ARL15: variants seen among roughly 807,000 people sequenced by gnomAD.
ARL15 encodes ARF like GTPase 15.
Under a neutral mutation model 25.2 loss-of-function variants are expected in ARL15, and 19 were observed. The ratio of observed to expected loss-of-function variants is 0.75; its 90% CI spans 0.53 to 1.10. ARL15 has a LOEUF of 1.10. Ranked by LOEUF, ARL15 falls within the 50% of genes least tolerant of loss-of-function variation. The probability of loss-of-function intolerance (pLI) is 0.00; values close to 1 mark genes in which losing one functional copy is unlikely to be tolerated. For missense variants in ARL15, 220 were observed against 246.0 expected, an observed-to-expected ratio of 0.89 and a Z score of 0.71; for synonymous variants, 94 against 86.8, an observed-to-expected ratio of 1.08 and a Z score of -0.46.
At chr5:54,033,221 G>A (rs1253283338) in intron 4 of ARL15, among the ~76,000 whole-genome samples, 2 of 152,062 alleles carry the variant, frequency 1.3e-5, no homozygotes, top group Admixed American at 6.6e-5. Flanking sequence ...GCTGAGGCAG[G>A]AGAATGGCTT....
chr5:54,279,255 A>T (rs1412449477), intron 1 of ARL15, among the ~76,000 whole-genome samples: 1 of 150,292 alleles, frequency 6.7e-6, no homozygotes, highest in African/African-American at 2.5e-5. Context: ...ATTTACAAGA[A>T]TTTTTTTTTT....
intron 3 of ARL15, among the ~76,000 whole-genome samples, chr5:54,125,941 C>A (rs1326807864): frequency 1.3e-5 from 2 of 152,060 alleles, no homozygotes; most frequent in African/African-American, 2.4e-5. Context: ...TTACTGCATT[C>A]TCAAAATACT....
At chr5:54,080,008 C>CACACACACAT (rs1554038840) in intron 4 of ARL15, among the ~76,000 whole-genome samples, 2 of 90,642 alleles carry the variant, frequency 2.2e-5, no homozygotes, top group African/African-American at 8.8e-5. Flanking sequence ...CACACACACA[C>CACACACACAT]ACACACACAG....
intron 4 of ARL15, among the ~76,000 whole-genome samples, chr5:53,910,633 TTATATATATATATATATATATATA>T (rs70986649): frequency 1.6e-4 from 9 of 55,018 alleles, no homozygotes; most frequent in East Asian, 6.0e-4. Flanking sequence ...TAAAAAAAAA[TTATATATATATATATATATATATA>T]TATATATATA....
intron 1 of ARL15, among the ~76,000 whole-genome samples, chr5:54,270,391 G>T (rs1757754202): frequency 6.6e-6 from 1 of 152,176 alleles, no homozygotes; most frequent in Non-Finnish European, 1.5e-5. Flanking sequence ...CGTGAAAGGG[G>T]AAGCGATAAA....
chr5:53,934,489 C>T, intron 4 of ARL15, among the ~76,000 whole-genome samples: 1 of 152,076 alleles, frequency 6.6e-6, no homozygotes, highest in Non-Finnish European at 1.5e-5. Flanking sequence ...TTGACAGCTG[C>T]CCAAAGACAG....
chr5:54,050,657 C>A (rs1579739920), intron 4 of ARL15, among the ~76,000 whole-genome samples: 1 of 152,154 alleles, frequency 6.6e-6, no homozygotes, highest in East Asian at 1.9e-4. Flanking sequence ...GAATATGAGG[C>A]TTTATAAACC....
chr5:54,265,779 A>G (rs894190709), intron 1 of ARL15, among the ~76,000 whole-genome samples: 4 of 152,234 alleles, frequency 2.6e-5, no homozygotes, highest in Admixed American at 1.3e-4. Context: ...GACATACTTA[A>G]AGAAAGCCCC....
intron 4 of ARL15, among the ~76,000 whole-genome samples, chr5:53,888,369 G>A (rs1003809682): frequency 2.6e-5 from 4 of 151,854 alleles, no homozygotes; most frequent in African/African-American, 7.3e-5. Flanking sequence ...CAGCCTTGAC[G>A]TCCCAGGCTT....
chr5:54,170,282 T>A (rs1473463329), intron 2 of ARL15, among the ~76,000 whole-genome samples: 1 of 152,152 alleles, frequency 6.6e-6, no homozygotes, highest in East Asian at 1.9e-4. Flanking sequence ...GCCTTCATCA[T>A]CTCAGTTGCA....
chr5:53,887,808 A>T (rs951104468), intron 4 of ARL15, among the ~76,000 whole-genome samples: 1 of 152,228 alleles, frequency 6.6e-6, no homozygotes. Context: ...CTAGAAAAAA[A>T]AGTATCTCCA....
At chr5:54,053,754 C>T (rs540645975) in intron 4 of ARL15, among the ~76,000 whole-genome samples, 109 of 152,226 alleles carry the variant, frequency 7.2e-4, no homozygotes, top group African/African-American at 2.4e-3. Context: ...CTGTCAAGGT[C>T]GTCAAAGACA....
At chr5:54,161,998 T>TACAAAC (rs1554044519) in intron 2 of ARL15, among the ~76,000 whole-genome samples, 3 of 144,678 alleles carry the variant, frequency 2.1e-5, no homozygotes, top group African/African-American at 7.6e-5. Context: ...CACACACACA[T>TACAAAC]ACACACACAC....
At chr5:54,205,286 A>G (rs776357483) in intron 1 of ARL15, among the ~76,000 whole-genome samples, 1 of 152,176 alleles carries the variant, frequency 6.6e-6, no homozygotes, top group Non-Finnish European at 1.5e-5. Context: ...CGGTAAAGGC[A>G]TCTGCTCAGA....
intron 1 of ARL15, among the ~76,000 whole-genome samples, chr5:54,283,080 C>G (rs1390916157): frequency 2.0e-5 from 3 of 152,144 alleles, no homozygotes; most frequent in African/African-American, 7.2e-5. Context: ...CAAGTTAAAG[C>G]TTCTCCCTAA....
At chr5:54,127,591 G>A (rs1212505369) in intron 3 of ARL15, among the ~76,000 whole-genome samples, 2 of 151,610 alleles carry the variant, frequency 1.3e-5, no homozygotes, top group African/African-American at 4.8e-5. Flanking sequence ...TGGCCATACT[G>A]CCCAAGGTAA....
chr5:54,196,467 A>C, intron 1 of ARL15, among the ~76,000 whole-genome samples: 1 of 152,162 alleles, frequency 6.6e-6, no homozygotes, highest in East Asian at 1.9e-4. Flanking sequence ...CTGTTTTCTC[A>C]TCCCAATAAT....
chr5:54,239,923 G>T (rs1446152117), intron 1 of ARL15, among the ~76,000 whole-genome samples: 1 of 152,164 alleles, frequency 6.6e-6, no homozygotes, highest in Non-Finnish European at 1.5e-5. Context: ...CTGGAGAGTA[G>T]AACTTAATTC....
intron 4 of ARL15, among the ~76,000 whole-genome samples, chr5:54,067,327 G>A (rs999484332): frequency 2.6e-5 from 4 of 152,220 alleles, no homozygotes; most frequent in African/African-American, 9.6e-5. Context: ...ACTTACACTT[G>A]TATAAATTCT....
Sources: allele counts gnomAD v4.1 joint callset (sites outside exome capture counted in the v4.1 genomes callset), GRCh38; gene constraint gnomAD v4.1.1; transcripts MANE v1.5; gene names NCBI Gene and HGNC (gene_info 2026-07-23, HGNC 2026-07-21).